ADGRL3: variants seen among roughly 807,000 people sequenced by gnomAD.
ADGRL3 encodes adhesion G protein-coupled receptor L3.
Under a neutral mutation model 153.5 loss-of-function variants are expected in ADGRL3, and 62 were observed. The ratio of observed to expected loss-of-function variants is 0.40; its 90% CI spans 0.33 to 0.50. The LOEUF (loss-of-function observed/expected upper bound fraction) is 0.50, where lower values mean the gene tolerates loss of function less well. Ranked by LOEUF, ADGRL3 falls within the 20% of genes least tolerant of loss-of-function variation. The pLI is 0.47. For missense variants in ADGRL3, 1,641 were observed against 1,859.4 expected (o/e 0.88, Z 2.16); for synonymous variants, 710 against 672.5 (o/e 1.06, Z -0.86).
At chr4:61,859,324 A>C (rs548698695) in intron 9 of ADGRL3, among the ~76,000 whole-genome samples, 42 of 152,312 alleles carry the variant, frequency 2.8e-4, no homozygotes, top group African/African-American at 9.9e-4. Flanking sequence ...GCTACATGAA[A>C]TACTTAGAAT....
At chr4:61,381,293 TTGTGTG>T (rs55767359) in intron 1 of ADGRL3, among the ~76,000 whole-genome samples, 2,670 of 141,454 alleles carry the variant, frequency 0.019, 24 homozygotes, top group Middle Eastern at 0.022. Flanking sequence ...ATAAACAAGT[TTGTGTG>T]TGTGTGTGTG....
intron 5 of ADGRL3, among the ~76,000 whole-genome samples, chr4:61,644,511 A>C (rs2093863311): frequency 6.6e-6 from 1 of 152,200 alleles, no homozygotes; most frequent in African/African-American, 2.4e-5. Context: ...GTTTCAAAGA[A>C]CATCTTTATT....
At chr4:61,952,797 C>T (rs2098952277) in intron 17 of ADGRL3, among the ~76,000 whole-genome samples, 1 of 152,016 alleles carries the variant, frequency 6.6e-6, no homozygotes, top group Non-Finnish European at 1.5e-5. Context: ...CTCAGAAAAA[C>T]GAATCAAATT....
intron 8 of ADGRL3, among the ~76,000 whole-genome samples, chr4:61,743,324 C>CAAAAAAAAAAAAAAAAAAAAAAAAAAA (rs752363213): frequency 2.0e-5 from 1 of 50,854 alleles, no homozygotes; most frequent in African/African-American, 5.2e-5. Flanking sequence ...GACTCCATCT[C>CAAAAAAAAAAAAAAAAAAAAAAAAAAA]AAAAAAAAAA....
Position 61,804,752 on chromosome 4 carries a change from A to G in ADGRL3, c.1400-9057A>G, listed in dbSNP as rs564180510. Among the ~76,000 whole-genome samples the G allele has an allele frequency of 2.6e-5, 4 of 152,208 alleles. No individual in the cohort carries two copies. The East Asian group carries it at 5.8e-4, about 22-fold the overall frequency. ...ATTATTTGAGAGTAATACATGATAA[A>G]TAGCTTTTACTTTGAGATCTATATT... On this transcript the variant is annotated intron_variant, in intron 8 of 26. Coordinates refer to ENST00000683033, the MANE Select transcript of ADGRL3 (RefSeq NM_001387552.1).
At chr4:61,489,761 G>T (rs763284057) in intron 2 of ADGRL3, among the ~76,000 whole-genome samples, 5 of 151,838 alleles carry the variant, frequency 3.3e-5, no homozygotes, top group Admixed American at 6.6e-5. Flanking sequence ...TCAAACCAAA[G>T]ATATTTAAAA....
intron 6 of ADGRL3, among the ~76,000 whole-genome samples, chr4:61,703,977 C>G (rs1466020608): frequency 6.6e-6 from 1 of 152,064 alleles, no homozygotes; most frequent in African/African-American, 2.4e-5. Flanking sequence ...TTAAAAATTG[C>G]TGACCAGCAT....
rs551528849 is a variant in ADGRL3, at chr4:61,320,117, A to G, written c.-239-63007A>G. ...AAAAGGTGGTCATCTGCAAGCTGGA[A>G]AGATACCCCTCTTCTGGAAATGAAT... is the stretch of plus-strand genomic sequence containing the variant. On this transcript the variant is annotated intron_variant, in intron 1 of 26. Coordinates refer to ENST00000683033, the MANE Select transcript of ADGRL3 (RefSeq NM_001387552.1). 2.1e-4 allele frequency among the ~76,000 whole-genome samples: 32 copies of G among 152,266 alleles called. 1 individual carries two copies. In the South Asian group the frequency reaches 6.6e-3, roughly 32 times the overall value.
intron 13 of ADGRL3, among the ~76,000 whole-genome samples, chr4:61,913,355 G>A (rs2098730813): frequency 6.6e-6 from 1 of 152,130 alleles, no homozygotes; most frequent in Non-Finnish European, 1.5e-5. Flanking sequence ...GATTTTGTAT[G>A]ACAGAGAACA....
intron 1 of ADGRL3, among the ~76,000 whole-genome samples, chr4:61,283,979 C>T (rs1383813693): frequency 2.0e-5 from 3 of 151,942 alleles, no homozygotes; most frequent in Non-Finnish European, 2.9e-5. Context: ...TGTAACGATA[C>T]CTGCTTGCAT....
chr4:61,830,658 A>G (rs1325283909), intron 9 of ADGRL3, among the ~76,000 whole-genome samples: 2 of 152,176 alleles, frequency 1.3e-5, no homozygotes, highest in Non-Finnish European at 1.5e-5. Context: ...TTAAGAATCA[A>G]TTAAACTATT....
intron 1 of ADGRL3, among the ~76,000 whole-genome samples, chr4:61,340,399 T>C (rs2095783523): frequency 6.6e-6 from 1 of 152,104 alleles, no homozygotes; most frequent in South Asian, 2.1e-4. Flanking sequence ...TTTGGGAGCA[T>C]GGGGTCAGTG....
intron 11 of ADGRL3, among the ~76,000 whole-genome samples, chr4:61,908,978 T>C (rs1441221024): frequency 6.6e-6 from 1 of 152,190 alleles, no homozygotes; most frequent in Non-Finnish European, 1.5e-5. Flanking sequence ...AATCAGCATG[T>C]AGTTTCAGAG....
chr4:61,669,101 C>T (rs1213212001), intron 5 of ADGRL3, among the ~76,000 whole-genome samples: 2 of 152,136 alleles, frequency 1.3e-5, no homozygotes, highest in Non-Finnish European at 2.9e-5. Flanking sequence ...TGTAAGTGGA[C>T]AACGTCATTA....
chr4:61,654,884 G>A (rs1327390132), intron 5 of ADGRL3, among the ~76,000 whole-genome samples: 1 of 152,092 alleles, frequency 6.6e-6, no homozygotes, highest in African/African-American at 2.4e-5. Flanking sequence ...GCAACAGAGC[G>A]AGACTCCATC....
In ADGRL3 at chr4:61,803,734, T is replaced by A. The variant is rs141109259; in HGVS notation, c.1400-10075T>A. Among the ~76,000 whole-genome samples, 1,120 of 152,242 alleles carry A rather than the reference T, an allele frequency of 7.4e-3. 14 individuals are homozygous for A. Among genetic ancestry groups the A allele is most frequent in the African/African-American group, 0.025 (1,057 of 41,556 alleles). ...ACTATTAAATAATATGGCATAACTATGAAATGATATTTCTACTAAAGTCTA... is the reference window on the plus strand; with the variant it reads ...ACTATTAAATAATATGGCATAACTAAGAAATGATATTTCTACTAAAGTCTA... On this transcript the variant is annotated intron_variant, in intron 8 of 26. Transcript: ENST00000683033.
chr4:62,046,814 G>C (rs1413250597), intron 25 of ADGRL3, among the ~76,000 whole-genome samples: 1 of 151,838 alleles, frequency 6.6e-6, no homozygotes. Flanking sequence ...GAAACTCCTA[G>C]TTTTATTCTC....
At position 62,031,430 on chromosome 4, in the gene ADGRL3, T is replaced by C. The variant is rs1721998960; in HGVS notation, c.3423-12T>C. The stretch of plus-strand genomic sequence containing the variant: ...TTATTTAATAACCCTTAATTTTCTC[T>C]TCTCTCTACAGGTCATGGGTTATAG... On this transcript the variant is annotated splice_polypyrimidine_tract_variant and intron_variant, in intron 22 of 26. Coordinates refer to ENST00000683033, the MANE Select transcript of ADGRL3 (RefSeq NM_001387552.1). 6.4e-7 allele frequency: 1 copy of C among 1,572,088 alleles called. No homozygotes were observed. Among genetic ancestry groups the C allele is most frequent in the Non-Finnish European group, 8.6e-7 (1 of 1,158,346 alleles).
At chr4:61,444,562 T>TA (rs961022056) in intron 2 of ADGRL3, among the ~76,000 whole-genome samples, 5 of 151,640 alleles carry the variant, frequency 3.3e-5, no homozygotes, top group Admixed American at 1.3e-4. Context: ...ATCATCCACT[T>TA]AAAAAAAAAT....
Sources: gnomAD v4.1 joint callset for allele counts (sites outside exome capture counted in the v4.1 genomes callset) on GRCh38, gnomAD v4.1.1 for gene constraint, MANE v1.5 for transcripts, NCBI Gene and HGNC (gene_info 2026-07-23, HGNC 2026-07-21) for gene names.